Variants in GDAP1 observed in about 807,000 individuals in gnomAD.
GDAP1 encodes ganglioside induced differentiation associated protein 1.
In GDAP1, 34 loss-of-function variants were observed where a neutral mutation model predicts 40.1. That is an observed-to-expected ratio of 0.85 (90% CI 0.64 to 1.13). GDAP1 has a LOEUF of 1.13. Ranked by LOEUF, GDAP1 falls within the 50% of genes most tolerant of loss-of-function variation. The pLI, the probability that GDAP1 is intolerant of heterozygous loss-of-function variation, is 0.00. For synonymous variants in GDAP1, 170 were observed against 157.4 expected (o/e 1.08, Z -0.60); for missense variants, 374 against 433.7 (o/e 0.86, Z 1.22).
chr8:74,360,134 T>C lies in GDAP1; in HGVS notation c.311-3T>C, dbSNP rs763484166. 20 of 1,609,806 alleles carry C rather than the reference T, an allele frequency of 1.2e-5. No individual in the cohort carries two copies. The South Asian group carries it at 1.6e-4, about 13-fold the overall frequency. ...CTTCAATATTTGTGTGTGTGTATTTTAGAAAGAACACCCAGGTTAATGCCT... is the reference window on the plus strand; with the variant it reads ...CTTCAATATTTGTGTGTGTGTATTTCAGAAAGAACACCCAGGTTAATGCCT... On this transcript the variant is annotated splice_polypyrimidine_tract_variant and splice_region_variant and intron_variant, in intron 2 of 5. Transcript: ENST00000220822.
chr8:74,394,888 T>C (rs551547875), intron 2 of GDAP1, among the ~76,000 whole-genome samples: 46 of 152,252 alleles, frequency 3.0e-4, no homozygotes, highest in African/African-American at 1.0e-3. Flanking sequence ...GGAAGTAAAA[T>C]TGTGAAACCC....
chr8:74,422,417 G>A (rs1488403762), intron 2 of GDAP1, among the ~76,000 whole-genome samples: 2 of 72,472 alleles, frequency 2.8e-5, no homozygotes, highest in African/African-American at 5.5e-5. Context: ...CTCTCTCTTC[G>A]TTTTCTTCCT....
At chr8:74,385,613 A>G (rs937769584) in intron 2 of GDAP1, among the ~76,000 whole-genome samples, 1 of 152,136 alleles carries the variant, frequency 6.6e-6, no homozygotes, top group Admixed American at 6.5e-5. Context: ...AGTCTTTGCT[A>G]TTGTGAACAG....
chr8:74,362,133 A>G (rs1476333891), intron 4 of GDAP1, among the ~76,000 whole-genome samples, 155 bp downstream of exon 4: 2 of 152,170 alleles, frequency 1.3e-5, no homozygotes, highest in African/African-American at 4.8e-5. Flanking sequence ...TTTAGAAAGA[A>G]TTTTTTATTA....
intron 2 of GDAP1, among the ~76,000 whole-genome samples, chr8:74,413,992 T>C (rs1805746923): frequency 6.7e-6 from 1 of 150,054 alleles, no homozygotes; most frequent in African/African-American, 2.5e-5. Context: ...TATGTAGACT[T>C]TGAGATTCAA....
rs577654995 is a variant in GDAP1 at position 74,426,540 on chromosome 8, A to G, written c.166-62138A>G. 1.2e-4 allele frequency among the ~76,000 whole-genome samples: 19 copies of G among 152,352 alleles called. No homozygotes were observed. In the South Asian group the frequency reaches 3.7e-3, roughly 30 times the overall value. On this transcript the variant is annotated intron_variant, in intron 2 of 2. Transcript: ENST00000523640. ...TTATAGTTATAGCTAGAAATGTAAC[A>G]TTCTTGTAGAACTGTTCCACGTTAC...
chr8:74,469,558 C>T (rs1184877905), intron 2 of GDAP1, among the ~76,000 whole-genome samples: 1 of 151,776 alleles, frequency 6.6e-6, no homozygotes, highest in Non-Finnish European at 1.5e-5. Flanking sequence ...GTCCCAGCTA[C>T]TCGGGAGGCT....
At chr8:74,436,893 A>G (rs899625166) in intron 2 of GDAP1, among the ~76,000 whole-genome samples, 1 of 152,202 alleles carries the variant, frequency 6.6e-6, no homozygotes, top group African/African-American at 2.4e-5. Flanking sequence ...TCAAAAAGTA[A>G]AGGATTACCC....
intron 2 of GDAP1, among the ~76,000 whole-genome samples, chr8:74,434,723 C>T (rs976779431): frequency 6.6e-6 from 1 of 152,152 alleles, no homozygotes; most frequent in Non-Finnish European, 1.5e-5. Flanking sequence ...CTCTTTTTAT[C>T]CCTAGTTCTG....
rs534156677 is a variant in GDAP1, at chr8:74,398,761, G to A, written c.165+47440G>A. Among the ~76,000 whole-genome samples, 17 of 151,998 alleles carry A rather than the reference G, an allele frequency of 1.1e-4. No homozygotes were observed. In the South Asian group the frequency reaches 2.9e-3, roughly 26 times the overall value. ...TTATTGAGAGTTTTTAGCATGAAGAGTTGTTGAATTTTGTCAAAGGCCTTT... is the reference window on the plus strand; with the variant it reads ...TTATTGAGAGTTTTTAGCATGAAGAATTGTTGAATTTTGTCAAAGGCCTTT... On this transcript the variant is annotated intron_variant, in intron 2 of 2. Coordinates refer to the GDAP1 transcript ENST00000523640.
intron 2 of GDAP1, among the ~76,000 whole-genome samples, chr8:74,472,998 C>T (rs934085009): frequency 3.9e-5 from 6 of 152,072 alleles, no homozygotes; most frequent in African/African-American, 1.2e-4. Flanking sequence ...AATCTGCTAG[C>T]CTTGGGCTCC....
chr8:74,428,542 C>T (rs1250043247), intron 2 of GDAP1, among the ~76,000 whole-genome samples: 1 of 150,908 alleles, frequency 6.6e-6, no homozygotes, highest in Non-Finnish European at 1.5e-5. Context: ...TCTCGGCCCC[C>T]TGCAACCTCT....
At chr8:74,444,194 A>G (rs1408432926) in intron 2 of GDAP1, among the ~76,000 whole-genome samples, 8 of 19,038 alleles carry the variant, frequency 4.2e-4, no homozygotes, top group Non-Finnish European at 6.2e-4. Context: ...AGGCAAATGC[A>G]CACACACACA....
intron 2 of GDAP1, among the ~76,000 whole-genome samples, chr8:74,412,171 G>A (rs772470021): frequency 2.0e-4 from 30 of 149,972 alleles, no homozygotes; most frequent in Non-Finnish European, 4.1e-4. Context: ...CTATATGAGA[G>A]TCAGACTCAT....
Position 74,350,437 on chromosome 8 carries a change from C to T in GDAP1, c.-25C>T, listed in dbSNP as rs748553431. On this transcript the variant is annotated 5_prime_UTR_variant, in exon 1 of 6. Coordinates refer to ENST00000220822, the MANE Select transcript of GDAP1 (RefSeq NM_018972.4). ...AGAAGTCCAGGGCGGACAGGCTGGGCGCACCCGTGCTCGCGCACCCCAAGA... is the reference window on the plus strand; with the variant it reads ...AGAAGTCCAGGGCGGACAGGCTGGGTGCACCCGTGCTCGCGCACCCCAAGA... The T allele has an allele frequency of 8.2e-5, 116 of 1,410,810 alleles. No individual in the cohort carries two copies. The highest frequency in any genetic ancestry group is 1.1e-4 in the Non-Finnish European group (110 of 997,930). 87.4% of individuals were successfully genotyped at this position (1,410,810 alleles called of 1,614,324 possible).
intron 2 of GDAP1, among the ~76,000 whole-genome samples, chr8:74,432,120 A>G (rs1447862156): frequency 6.6e-6 from 1 of 152,176 alleles, no homozygotes; most frequent in Non-Finnish European, 1.5e-5. Flanking sequence ...CTCTGAGATC[A>G]TGAGCTACGA....
rs142472600 is a variant in GDAP1, at chr8:74,459,879, C to T, written c.166-28799C>T. On this transcript the variant is annotated intron_variant, in intron 2 of 2. Transcript: ENST00000523640. The stretch of plus-strand genomic sequence containing the variant: ...TATTCAAATGTACTTAAAATTACAA[C>T]CACATTATATTCAGCAACATAATTC... 8.6e-3 allele frequency among the ~76,000 whole-genome samples: 1,314 copies of T among 152,280 alleles called. 15 individuals carry two copies. The highest frequency in any genetic ancestry group is 0.03 in the African/African-American group (1,227 of 41,552).
At chr8:74,417,095 T>C (rs181485565) in intron 2 of GDAP1, among the ~76,000 whole-genome samples, 2 of 149,108 alleles carry the variant, frequency 1.3e-5, no homozygotes, top group African/African-American at 2.6e-5. Context: ...GTTTCTCCCA[T>C]GGGAGCTTGG....
chr8:74,481,675 T>C (rs1303683345), intron 2 of GDAP1, among the ~76,000 whole-genome samples: 1 of 152,226 alleles, frequency 6.6e-6, no homozygotes, highest in Non-Finnish European at 1.5e-5. Flanking sequence ...AGTTCAGATT[T>C]GCTCATTACT....
Sources: allele counts gnomAD v4.1 joint callset (sites outside exome capture counted in the v4.1 genomes callset), GRCh38; gene constraint gnomAD v4.1.1; transcripts MANE v1.5; gene names NCBI Gene and HGNC (gene_info 2026-07-23, HGNC 2026-07-21).